Variants in HCLS1 observed in about 807,000 individuals in gnomAD.
HCLS1 encodes the protein hematopoietic lineage cell-specific protein.
Under a neutral mutation model 68.6 loss-of-function variants are expected in HCLS1, and 44 were observed. The ratio of observed to expected loss-of-function variants is 0.64; its 90% CI spans 0.50 to 0.82. The LOEUF (loss-of-function observed/expected upper bound fraction) is 0.82, where lower values mean the gene tolerates loss of function less well. Ranked by LOEUF, HCLS1 falls within the 40% of genes least tolerant of loss-of-function variation. HCLS1 has a pLI of 0.00. For synonymous variants in HCLS1, 217 were observed against 225.8 expected (o/e 0.96, Z 0.35); for missense variants, 602 against 612.1 (o/e 0.98, Z 0.17).
At chr3:121,645,075 A>G in intron 4 of HCLS1, 147 bp from the exon 5 acceptor site, 1 of 635,360 alleles carries the variant, frequency 1.6e-6, no homozygotes, top group South Asian at 1.9e-5. Context: ...GGAATACGCG[A>G]TGGGAGAGCA....
At chr3:121,658,243 C>A in intron 2 of HCLS1, 21 bp downstream of exon 2, 1 of 1,601,048 alleles carries the variant, frequency 6.2e-7, no homozygotes, top group South Asian at 1.1e-5. Context: ...ACTGTCCAAG[C>A]AAAGCTACTT....
At chr3:121,640,813 AGGGC>A (rs2049190706) in intron 6 of HCLS1, among the ~76,000 whole-genome samples, 1 of 16,666 alleles carries the variant, frequency 6.0e-5, no homozygotes, top group Non-Finnish European at 1.1e-4. Flanking sequence ...AGGGGAGGGG[AGGGC>A]AGGGGAGGGG....
chr3:121,658,174 T>C (rs1937915291), intron 2 of HCLS1, 90 bp downstream of exon 2: 7 of 988,580 alleles, frequency 7.1e-6, no homozygotes, highest in South Asian at 6.7e-5. Context: ...AAGGCCCTTT[T>C]CCAAGCATCC....
Position 121,636,505 on chromosome 3 carries a change from T to C in HCLS1, c.566-16A>G. 6.2e-7 allele frequency: 1 copy of C among 1,609,208 alleles called. No individual in the cohort carries two copies. Among genetic ancestry groups the C allele is most frequent in the Non-Finnish European group, 8.5e-7 (1 of 1,175,656 alleles). On this transcript the variant is annotated splice_polypyrimidine_tract_variant and intron_variant, in intron 7 of 13. Transcript: ENST00000314583. The stretch of plus-strand genomic sequence containing the variant: ...TTGGCATAATCTGCAGGACAGAAAG[T>C]TCTGAGTTATAGGAGATCAAAATGC...
At chr3:121,646,136 T>G (rs2049244982) in intron 4 of HCLS1, among the ~76,000 whole-genome samples, 1 of 79,914 alleles carries the variant, frequency 1.3e-5, no homozygotes, top group Non-Finnish European at 2.2e-5. Flanking sequence ...ATATAACAGA[T>G]ACTATATATA....
chr3:121,651,668 C>G (rs1206233657), intron 3 of HCLS1, among the ~76,000 whole-genome samples: 1 of 152,168 alleles, frequency 6.6e-6, no homozygotes, highest in Non-Finnish European at 1.5e-5. Flanking sequence ...CATCCTCCTG[C>G]CTTGGCCTCC....
At chr3:121,632,704 A>T (rs530842399) in intron 11 of HCLS1, 141 bp from the exon 12 acceptor site, 1 of 690,962 alleles carries the variant, frequency 1.4e-6, no homozygotes, top group Non-Finnish European at 2.4e-6. Flanking sequence ...CTCCTGGGGA[A>T]CACAGCCTTT....
rs192111436 is a variant in HCLS1 at position 121,641,970 on chromosome 3, C to T, written c.454+957G>A. On this transcript the variant is annotated intron_variant, in intron 6 of 13. Transcript: ENST00000314583. Reference sequence around the variant, plus strand: ...TGGCGGGTGCCTGTAGTCCCAGCTACTCGGGAGGCTGAGGCAGGAGAATGG... The same window carrying T: ...TGGCGGGTGCCTGTAGTCCCAGCTATTCGGGAGGCTGAGGCAGGAGAATGG... Among the ~76,000 whole-genome samples, 823 of 146,328 alleles carry T rather than the reference C, an allele frequency of 5.6e-3. 9 individuals carry two copies. Among genetic ancestry groups the T allele is most frequent in the African/African-American group, 0.02 (775 of 39,444 alleles).
chr3:121,632,288 C>T (rs1367085201), intron 12 of HCLS1, 44 bp downstream of exon 12: 3 of 1,608,420 alleles, frequency 1.9e-6, no homozygotes, highest in Non-Finnish European at 2.6e-6. Flanking sequence ...CTTACCCTCC[C>T]CTGGACATGA....
intron 2 of HCLS1, among the ~76,000 whole-genome samples, chr3:121,657,587 G>A (rs1012436133): frequency 4.6e-5 from 7 of 152,106 alleles, no homozygotes; most frequent in East Asian, 3.9e-4. Flanking sequence ...AGGCCGAGGC[G>A]GGTGGATCTC....
intron 4 of HCLS1, 21 bp downstream of exon 4, chr3:121,647,298 A>C: frequency 1.2e-6 from 2 of 1,613,106 alleles, no homozygotes; most frequent in South Asian, 2.2e-5. Context: ...TTTTAAAGCA[A>C]ATCTTTCCCT....
chr3:121,635,666 A>T (rs1444224965), intron 9 of HCLS1, 69 bp downstream of exon 9: 28 of 1,206,088 alleles, frequency 2.3e-5, no homozygotes, highest in Non-Finnish European at 3.3e-5. Context: ...TGGAGGATAT[A>T]GTCTGGGGAA....
At chr3:121,657,021 C>T in intron 3 of HCLS1, 1 of 366,860 alleles carries the variant, frequency 2.7e-6, no homozygotes, top group East Asian at 4.2e-5. Context: ...AATAGACCCA[C>T]TTGGGGAAAT....
At chr3:121,654,420 T>C (rs1937818606) in intron 3 of HCLS1, 1 of 152,240 alleles carries the variant, frequency 6.6e-6, no homozygotes, top group Non-Finnish European at 1.5e-5. Context: ...AGTATCAGTC[T>C]GTGACAGATT....
chr3:121,644,770 T>C, intron 5 of HCLS1, 48 bp downstream of exon 5: 1 of 1,357,502 alleles, frequency 7.4e-7, no homozygotes, highest in Non-Finnish European at 1.1e-6. Flanking sequence ...CGTGGGCAAT[T>C]TTCACAGGAC....
intron 6 of HCLS1, among the ~76,000 whole-genome samples, chr3:121,642,020 C>G (rs865843789): frequency 5.1e-5 from 7 of 136,624 alleles, no homozygotes; most frequent in African/African-American, 1.4e-4. Context: ...GCGGAACTTG[C>G]AGTGAGCCGA....
intron 3 of HCLS1, chr3:121,654,100 G>A (rs1342230917): frequency 1.3e-5 from 2 of 152,176 alleles, no homozygotes; most frequent in Non-Finnish European, 2.9e-5. Context: ...TTTCTGACCT[G>A]GGCAAGTTCA....
chr3:121,632,973 G>T, intron 11 of HCLS1, 94 bp downstream of exon 11: 1 of 810,494 alleles, frequency 1.2e-6, no homozygotes, highest in Non-Finnish European at 2.0e-6. Flanking sequence ...AACAGTGCAA[G>T]GCAAACCAGG....
At chr3:121,646,030 T>C (rs1219685476) in intron 4 of HCLS1, among the ~76,000 whole-genome samples, 1 of 130,262 alleles carries the variant, frequency 7.7e-6, no homozygotes, top group African/African-American at 2.9e-5. Context: ...TATATAAGTA[T>C]ATAATATATA....
Sources: allele counts gnomAD v4.1 joint callset (sites outside exome capture counted in the v4.1 genomes callset), GRCh38; gene constraint gnomAD v4.1.1; transcripts MANE v1.5; gene names NCBI Gene and HGNC (gene_info 2026-07-23, HGNC 2026-07-21).